SP140: variants seen among roughly 807,000 people sequenced by gnomAD.
SP140 encodes SP140 nuclear body protein, also known as nuclear body protein SP140.
SP140 carries 81 observed loss-of-function variants against 125.0 expected under a neutral mutation model. The ratio of observed to expected loss-of-function variants is 0.65; its 90% CI spans 0.54 to 0.78. SP140 has a LOEUF of 0.78. Ranked by LOEUF, SP140 falls within the 30% of genes least tolerant of loss-of-function variation. The pLI is 0.00. For synonymous variants in SP140, 312 were observed against 354.0 expected (o/e 0.88, Z 1.33); for missense variants, 858 against 1,037.0 (o/e 0.83, Z 2.37).
At chr2:230,291,257 A>T (rs766050974) in intron 19 of SP140, among the ~76,000 whole-genome samples, 24 of 152,236 alleles carry the variant, frequency 1.6e-4, no homozygotes, top group Non-Finnish European at 2.6e-4. Context: ...TTGCATTGTG[A>T]CTATTTCTAA....
At chr2:230,261,799 A>G (rs1406493594) in intron 12 of SP140, among the ~76,000 whole-genome samples, 2 of 152,224 alleles carry the variant, frequency 1.3e-5, no homozygotes, top group African/African-American at 4.8e-5. Context: ...CCCTGGTATG[A>G]AACCTACTTC....
At position 230,212,886 on chromosome 2, in the gene SP140, G is replaced by A. The variant is rs115824749; in HGVS notation, c.-322-768G>A. ...TGTTCCAGGCTCACTGACTCTTGGCGCACAGGGTGAACAGCTTGGTTGAGG... is the reference window on the plus strand; with the variant it reads ...TGTTCCAGGCTCACTGACTCTTGGCACACAGGGTGAACAGCTTGGTTGAGG... On this transcript the variant is annotated intron_variant, in intron 1 of 4. Transcript: ENST00000456542. The A allele has an allele frequency of 1.4e-5, 22 of 1,614,074 alleles. No individual in the cohort carries two copies. The East Asian group carries it at 3.1e-4, about 23-fold the overall frequency.
At chr2:230,213,086 G>A (rs889011811) in intron 1 of SP140, 2 of 1,571,612 alleles carry the variant, frequency 1.3e-6, no homozygotes, top group Non-Finnish European at 1.7e-6. Flanking sequence ...ACTTGGGGAA[G>A]GGGATTTCTT....
At chr2:230,278,876 T>C (rs979376397) in intron 15 of SP140, among the ~76,000 whole-genome samples, 1 of 152,020 alleles carries the variant, frequency 6.6e-6, no homozygotes, top group East Asian at 1.9e-4. Flanking sequence ...AGAAAAGGCA[T>C]CCAAATTGGA....
At chr2:230,230,254 G>A (rs761087423) in intron 1 of SP140, among the ~76,000 whole-genome samples, 8 of 152,194 alleles carry the variant, frequency 5.3e-5, no homozygotes, top group Non-Finnish European at 1.0e-4. Flanking sequence ...ACAGGGGGTT[G>A]AAGCTGTGTT....
At chr2:230,228,430 C>G (rs952801296) in intron 1 of SP140, among the ~76,000 whole-genome samples, 3 of 152,204 alleles carry the variant, frequency 2.0e-5, no homozygotes, top group African/African-American at 7.2e-5. Flanking sequence ...ATCAGGTCAA[C>G]TACACCCTTA....
downstream of SP140, among the ~76,000 whole-genome samples, chr2:230,314,845 A>G (rs2059473206): frequency 6.6e-6 from 1 of 152,246 alleles, no homozygotes; most frequent in Non-Finnish European, 1.5e-5. Flanking sequence ...TGCCCCCTGC[A>G]AGCTGGAATA....
intron 18 of SP140, among the ~76,000 whole-genome samples, chr2:230,289,494 T>A (rs2056869366): frequency 6.6e-6 from 1 of 152,100 alleles, no homozygotes; most frequent in Non-Finnish European, 1.5e-5. Flanking sequence ...CAAGGACAGC[T>A]CCCCCGTTTA....
At chr2:230,194,575 T>C in the SP140 span, among the ~76,000 whole-genome samples, 2 of 152,180 alleles carry the variant, frequency 1.3e-5, no homozygotes, top group African/African-American at 4.8e-5. Context: ...TTTTGTTTCT[T>C]ATTCTGCAAG....
intron 15 of SP140, among the ~76,000 whole-genome samples, chr2:230,281,164 A>G (rs1287953670): frequency 6.6e-6 from 1 of 152,142 alleles, no homozygotes; most frequent in Non-Finnish European, 1.5e-5. Flanking sequence ...AATCACGAAA[A>G]TTTTAAGCAT....
At chr2:230,209,424 ATGATAT>A (rs763138780) in intron 1 of SP140, among the ~76,000 whole-genome samples, 1 of 152,116 alleles carries the variant, frequency 6.6e-6, no homozygotes. Context: ...AAATTATTGG[ATGATAT>A]TGATGATGAG....
At chr2:230,296,076 CAAA>C (rs10712405) in intron 21 of SP140, among the ~76,000 whole-genome samples, 1 of 143,298 alleles carries the variant, frequency 7.0e-6, no homozygotes, top group African/African-American at 2.6e-5. Context: ...CCATCTCTAC[CAAA>C]AAAAAAAAAA....
At chr2:230,205,977 T>C (rs959337351) in intron 1 of SP140, among the ~76,000 whole-genome samples, 4 of 152,164 alleles carry the variant, frequency 2.6e-5, no homozygotes, top group Non-Finnish European at 5.9e-5. Flanking sequence ...GAGAGGGCAT[T>C]GACTAATAAG....
At position 230,208,101 on chromosome 2, in the gene SP140, C is replaced by G. The variant is rs574960580; in HGVS notation, c.-323+4822C>G. The G allele has an allele frequency of 9.0e-6, 10 of 1,109,340 alleles. No homozygotes were observed. The African/African-American group carries it at 9.3e-5, about 10-fold the overall frequency. The allele number at this position is 1,109,340 out of a possible 1,614,324, so 68.7% of individuals were successfully genotyped here. On this transcript the variant is annotated intron_variant, in intron 1 of 4. Transcript: ENST00000456542. ...ATGTTTTATAGTTACAAACATTGAT[C>G]TCCCAATCTTGTATGTCAATGATAT...
intron 1 of SP140, among the ~76,000 whole-genome samples, chr2:230,233,967 G>A (rs1392542052): frequency 1.3e-5 from 2 of 152,098 alleles, no homozygotes; most frequent in African/African-American, 4.8e-5. Flanking sequence ...AATCCTAGGG[G>A]GTCCCTAACC....
At chr2:230,247,470 T>A (rs907285205) in intron 7 of SP140, among the ~76,000 whole-genome samples, 11 of 152,166 alleles carry the variant, frequency 7.2e-5, no homozygotes, top group African/African-American at 2.7e-4. Flanking sequence ...CCTGTCCATT[T>A]CCTTCCACCC....
chr2:230,278,241 A>G (rs1334623927), intron 15 of SP140, among the ~76,000 whole-genome samples: 2 of 151,988 alleles, frequency 1.3e-5, no homozygotes, highest in Admixed American at 6.6e-5. Flanking sequence ...AGTAATGTTG[A>G]TTGCTTTTTT....
intron 12 of SP140, among the ~76,000 whole-genome samples, chr2:230,256,417 A>C (rs1292465892): frequency 6.6e-6 from 1 of 151,752 alleles, no homozygotes. Flanking sequence ...GCAAACTATC[A>C]CAAGGACAAA....
the SP140 span, among the ~76,000 whole-genome samples, chr2:230,191,096 A>T: frequency 6.6e-6 from 1 of 152,186 alleles, no homozygotes; most frequent in African/African-American, 2.4e-5. Flanking sequence ...TTCTGTGAAG[A>T]ATGTAGAGAC....
Sources: gnomAD v4.1 joint callset for allele counts (sites outside exome capture counted in the v4.1 genomes callset) on GRCh38, gnomAD v4.1.1 for gene constraint, MANE v1.5 for transcripts, NCBI Gene and HGNC (gene_info 2026-07-23, HGNC 2026-07-21) for gene names.